The following MCUB variants were observed in gnomAD, a reference collection of about 807,000 sequenced individuals.
The protein encoded by MCUB is calcium uniporter regulatory subunit MCUb, mitochondrial.
Under a neutral mutation model 41.4 loss-of-function variants are expected in MCUB, and 46 were observed. That is an observed-to-expected ratio of 1.11 (90% CI 0.88 to 1.42). MCUB has a LOEUF of 1.42. Ranked by LOEUF, MCUB falls within the 40% of genes most tolerant of loss-of-function variation. MCUB has a pLI of 0.00. For synonymous variants in MCUB, 148 were observed against 148.2 expected, an observed-to-expected ratio of 1.00 and a Z score of 0.01; for missense variants, 403 against 404.9, an observed-to-expected ratio of 1.00 and a Z score of 0.04.
Position 109,618,952 on chromosome 4 carries a change from T to TTCTCTCTC in MCUB, c.100-40029_100-40022dup, listed in dbSNP as rs10557098. Among the ~76,000 whole-genome samples the TTCTCTCTC allele has an allele frequency of 2.7e-3, 351 of 127,728 alleles. 4 individuals carry two copies. The highest frequency in any genetic ancestry group is 0.019 in the Middle Eastern group (5 of 260). 83.8% of individuals were successfully genotyped at this position (127,728 alleles called of 152,430 possible). On this transcript the variant is annotated intron_variant, in intron 1 of 7. Coordinates refer to ENST00000394650, the MANE Select transcript of MCUB (RefSeq NM_017918.5). ...TCAAGTTCATTATTGAACATTAAAC[T>TTCTCTCTC]TCTCTCTCTCTCTCTCTCTCTCTCT... is the stretch of plus-strand genomic sequence containing the variant.
intron 1 of MCUB, among the ~76,000 whole-genome samples, chr4:109,567,576 A>AT (rs1267661734): frequency 2.1e-5 from 3 of 142,154 alleles, no homozygotes; most frequent in Non-Finnish European, 4.5e-5. Context: ...AGGCTGGCTA[A>AT]TTTTTTGTAT....
intron 1 of MCUB, among the ~76,000 whole-genome samples, chr4:109,645,145 C>T (rs1242387826): frequency 6.6e-6 from 1 of 152,066 alleles, no homozygotes; most frequent in African/African-American, 2.4e-5. Flanking sequence ...TGATTCTCTC[C>T]TTTATTCTTT....
In MCUB at chr4:109,682,722, C is replaced by T. The variant is rs1182551836; in HGVS notation, c.592C>T (p.Gln198Ter). Residue 198 changes from glutamine to a stop codon, truncating the protein, a stop_gained, in exon 5 of 8, where the codon CAG (glutamine) becomes TAG (stop). Coordinates refer to ENST00000394650, the MANE Select transcript of MCUB (RefSeq NM_017918.5). LOFTEE classifies it high-confidence loss of function. Reference protein sequence around the residue: ...LLEKIDHLKEQLQPLEQVKAG... With the variant: ...LLEKIDHLKE ...GGAGAAAATTGACCACCTGAAGGAA[C>T]AGCTGCAGCCCCTTGAACAGGTTAG... 4.3e-6 allele frequency: 7 copies of T among 1,613,600 alleles called. 1 individual carries two copies. The highest frequency in any genetic ancestry group is 3.3e-4 in the Middle Eastern group (2 of 6,062).
At chr4:109,649,322 C>T (rs932192779) in intron 1 of MCUB, among the ~76,000 whole-genome samples, 9 of 152,012 alleles carry the variant, frequency 5.9e-5, no homozygotes, top group African/African-American at 2.2e-4. Flanking sequence ...TTTTTTTATA[C>T]TCCTTTATCT....
chr4:109,571,037 G>A (rs906288975), intron 1 of MCUB, among the ~76,000 whole-genome samples: 13 of 152,148 alleles, frequency 8.5e-5, no homozygotes, highest in Admixed American at 7.2e-4. Context: ...TATGAGAGAA[G>A]TGACATGATG....
chr4:109,639,546 G>C (rs1256177165), intron 1 of MCUB, among the ~76,000 whole-genome samples: 4 of 152,052 alleles, frequency 2.6e-5, no homozygotes, highest in Non-Finnish European at 5.9e-5. Context: ...AAATTAGCCA[G>C]GCATGATGGC....
At chr4:109,598,570 T>C (rs972455825) in intron 1 of MCUB, among the ~76,000 whole-genome samples, 7 of 151,638 alleles carry the variant, frequency 4.6e-5, no homozygotes, top group Non-Finnish European at 1.0e-4. Flanking sequence ...CGGCTGGGCA[T>C]GAGAGGGAGA....
At position 109,682,660 on chromosome 4, in the gene MCUB, T is replaced by C; in HGVS notation, c.530T>C (p.Leu177Ser). 1 of 1,612,846 alleles carries C rather than the reference T, an allele frequency of 6.2e-7. No homozygotes were observed. Among genetic ancestry groups the C allele is most frequent in the South Asian group, 1.1e-5 (1 of 91,040 alleles). ...CACAGACTATTTACAATCTTGCATT[T>C]AGAAGAGTCTCAGAAAAAGAGAGAG... ...LVHRLFTILH[L>S]EESQKKREHH... Residue 177 changes from leucine to serine, a missense_variant, in exon 5 of 8, where the codon TTA becomes TCA. Physicochemically the swap from Leu to Ser is moderately radical, Grantham distance 145. Transcript: ENST00000394650.
intron 1 of MCUB, among the ~76,000 whole-genome samples, chr4:109,614,756 G>A (rs1391236335): frequency 2.6e-5 from 4 of 151,778 alleles, no homozygotes; most frequent in Admixed American, 6.6e-5. Flanking sequence ...GTGGACCTCA[G>A]CTCTAGAATC....
At chr4:109,643,623 G>A (rs376757129) in intron 1 of MCUB, among the ~76,000 whole-genome samples, 1 of 152,168 alleles carries the variant, frequency 6.6e-6, no homozygotes, top group East Asian at 1.9e-4. Flanking sequence ...TCCTGCCTCA[G>A]CCTCCTGAGT....
intron 4 of MCUB, among the ~76,000 whole-genome samples, chr4:109,675,507 C>G (rs1225567896): frequency 6.6e-6 from 1 of 152,226 alleles, no homozygotes; most frequent in East Asian, 1.9e-4. Context: ...TTTAGAATGT[C>G]TGTCTGAGAA....
intron 1 of MCUB, among the ~76,000 whole-genome samples, chr4:109,618,501 C>T (rs547550450): frequency 1.6e-3 from 251 of 152,280 alleles, no homozygotes; most frequent in African/African-American, 5.8e-3. Context: ...CACCCAAATC[C>T]TTGTCTTAGG....
chr4:109,647,714 T>TA (rs148027099), intron 1 of MCUB, among the ~76,000 whole-genome samples: 5,606 of 152,224 alleles, frequency 0.037, 366 homozygotes, highest in African/African-American at 0.13. Flanking sequence ...ACATGGAGAT[T>TA]AAGTAATCTA....
intron 1 of MCUB, among the ~76,000 whole-genome samples, chr4:109,618,811 T>A (rs1032979650): frequency 1.3e-5 from 2 of 152,230 alleles, no homozygotes; most frequent in Non-Finnish European, 2.9e-5. Context: ...TTCTATAGAA[T>A]CTTTCTTGCT....
intron 1 of MCUB, among the ~76,000 whole-genome samples, chr4:109,590,427 G>A (rs1186041390): frequency 6.6e-6 from 1 of 152,112 alleles, no homozygotes; most frequent in Non-Finnish European, 1.5e-5. Context: ...TGTTTTATGG[G>A]ATTTTAAAAA....
chr4:109,606,046 C>T (rs1206437995), intron 1 of MCUB, among the ~76,000 whole-genome samples: 1 of 152,168 alleles, frequency 6.6e-6, no homozygotes, highest in African/African-American at 2.4e-5. Flanking sequence ...GCGATCTCTG[C>T]TCGCTGCAAG....
rs575114807 is a variant in MCUB, at chr4:109,561,950, T to C, written c.99+1514T>C. Among the ~76,000 whole-genome samples the C allele has an allele frequency of 2.6e-5, 4 of 152,290 alleles. No individual in the cohort carries two copies. In the South Asian group the frequency reaches 8.3e-4, roughly 32 times the overall value. On this transcript the variant is annotated intron_variant, in intron 1 of 7. Coordinates refer to ENST00000394650, the MANE Select transcript of MCUB (RefSeq NM_017918.5). ...TTTTAGTAGAGACGGGGTTTCACCATGTTGGCCAGACTGGCTGGTCTCGAA... is the reference window on the plus strand; with the variant it reads ...TTTTAGTAGAGACGGGGTTTCACCACGTTGGCCAGACTGGCTGGTCTCGAA...
intron 1 of MCUB, among the ~76,000 whole-genome samples, chr4:109,656,042 T>C (rs919589517): frequency 2.0e-5 from 3 of 152,096 alleles, no homozygotes; most frequent in African/African-American, 7.2e-5. Context: ...GGTGCCTCTA[T>C]CTTGTGGGTG....
intron 1 of MCUB, among the ~76,000 whole-genome samples, chr4:109,636,556 C>T (rs1275190120): frequency 2.0e-5 from 3 of 152,154 alleles, no homozygotes; most frequent in East Asian, 1.9e-4. Flanking sequence ...AATGTTTGGC[C>T]GGGCACAGTG....
Sources: allele counts gnomAD v4.1 joint callset (sites outside exome capture counted in the v4.1 genomes callset), GRCh38; gene constraint gnomAD v4.1.1; transcripts MANE v1.5; gene names NCBI Gene and HGNC (gene_info 2026-07-23, HGNC 2026-07-21).